The following SPOCK1 variants were observed in gnomAD, a reference collection of about 807,000 sequenced individuals.
SPOCK1 encodes SPARC (osteonectin), cwcv and kazal like domains proteoglycan 1, also known as testican-1.
In SPOCK1, 23 loss-of-function variants were observed where a neutral mutation model predicts 55.3. That is an observed-to-expected ratio of 0.42 (90% CI 0.30 to 0.59). The LOEUF (loss-of-function observed/expected upper bound fraction) is 0.59, where lower values mean the gene tolerates loss of function less well. Ranked by LOEUF, SPOCK1 falls within the 20% of genes least tolerant of loss-of-function variation. The probability of loss-of-function intolerance (pLI) is 0.22; values close to 1 mark genes in which losing one functional copy is unlikely to be tolerated. For synonymous variants in SPOCK1, 226 were observed against 221.0 expected, an observed-to-expected ratio of 1.02 and a Z score of -0.20; for missense variants, 499 against 552.5, an observed-to-expected ratio of 0.90 and a Z score of 0.97.
intron 2 of SPOCK1, among the ~76,000 whole-genome samples, chr5:137,425,458 CA>C (rs1322671719): frequency 5.9e-4 from 85 of 142,916 alleles, no homozygotes; most frequent in East Asian, 4.2e-3. Context: ...AATTCATCTC[CA>C]AAAAAAAAAA....
At chr5:137,291,174 G>T (rs1389199581) in intron 2 of SPOCK1, among the ~76,000 whole-genome samples, 1 of 152,098 alleles carries the variant, frequency 6.6e-6, no homozygotes, top group Non-Finnish European at 1.5e-5. Flanking sequence ...CCATCCATCT[G>T]CCTCAGCAGA....
chr5:136,978,879 C>T (rs1391199205), intron 10 of SPOCK1, 35 bp from the exon 11 acceptor site: 6 of 1,574,592 alleles, frequency 3.8e-6, no homozygotes, highest in Non-Finnish European at 5.2e-6. Context: ...GGTTAGTTTC[C>T]ACTTATACCT....
At chr5:137,053,136 C>T in intron 6 of SPOCK1, among the ~76,000 whole-genome samples, 1 of 152,108 alleles carries the variant, frequency 6.6e-6, no homozygotes, top group East Asian at 1.9e-4. Context: ...TTAGCTAATT[C>T]TAGGAACTAC....
chr5:137,193,282 C>T (rs541425449), intron 3 of SPOCK1, among the ~76,000 whole-genome samples: 1 of 152,064 alleles, frequency 6.6e-6, no homozygotes, highest in Admixed American at 6.6e-5. Flanking sequence ...AGGCAAGAGA[C>T]AGTGAGAAGT....
intron 2 of SPOCK1, among the ~76,000 whole-genome samples, chr5:137,361,707 T>C (rs1750949281): frequency 6.6e-6 from 1 of 152,238 alleles, no homozygotes. Context: ...ATTTCCCATG[T>C]TTCCACAAAT....
intron 3 of SPOCK1, among the ~76,000 whole-genome samples, chr5:137,261,013 A>G (rs1003557731): frequency 6.6e-6 from 1 of 152,176 alleles, no homozygotes; most frequent in Admixed American, 6.5e-5. Flanking sequence ...CAGACCAAAC[A>G]TGAGCGAGCC....
In SPOCK1 at chr5:137,443,337, C is replaced by T. The variant is rs115921073; in HGVS notation, c.186+55036G>A. Among the ~76,000 whole-genome samples, 397 of 152,242 alleles carry T rather than the reference C, an allele frequency of 2.6e-3. 1 individual carries two copies. Among genetic ancestry groups the T allele is most frequent in the African/African-American group, 9.2e-3 (382 of 41,530 alleles). On this transcript the variant is annotated intron_variant, in intron 2 of 10. Coordinates refer to ENST00000394945, the MANE Select transcript of SPOCK1 (RefSeq NM_004598.4). ...GTCTCCTCCTCCCTCTTTCTTTGGT[C>T]CTTCTCAGTGTCCTTTGTGTGCACT...
intron 6 of SPOCK1, among the ~76,000 whole-genome samples, chr5:136,996,900 G>C (rs1316914941): frequency 1.3e-5 from 2 of 152,128 alleles, no homozygotes; most frequent in African/African-American, 4.8e-5. Flanking sequence ...CCACACTGTG[G>C]AAACTTCGTT....
intron 3 of SPOCK1, among the ~76,000 whole-genome samples, chr5:137,195,492 C>T (rs1030102162): frequency 1.3e-5 from 2 of 152,234 alleles, no homozygotes; most frequent in African/African-American, 2.4e-5. Context: ...TGAGTTCCAG[C>T]GCTGACATCA....
intron 2 of SPOCK1, among the ~76,000 whole-genome samples, chr5:137,328,770 G>A (rs1057510687): frequency 5.9e-5 from 9 of 152,296 alleles, no homozygotes; most frequent in East Asian, 5.8e-4. Flanking sequence ...CAATCAGTAC[G>A]CGGCAGAACC....
At chr5:136,995,726 T>C (rs1751028186) in intron 6 of SPOCK1, among the ~76,000 whole-genome samples, 1 of 152,156 alleles carries the variant, frequency 6.6e-6, no homozygotes, top group African/African-American at 2.4e-5. Flanking sequence ...GTGCAGGTAA[T>C]CTGTATCTTT....
chr5:137,411,530 A>G (rs1290921482), intron 2 of SPOCK1, among the ~76,000 whole-genome samples: 1 of 152,214 alleles, frequency 6.6e-6, no homozygotes, highest in Non-Finnish European at 1.5e-5. Flanking sequence ...TACTATTGGC[A>G]TTTGAAGACA....
intron 2 of SPOCK1, among the ~76,000 whole-genome samples, chr5:137,458,724 T>A (rs142164459): frequency 6.6e-6 from 1 of 152,210 alleles, no homozygotes; most frequent in Non-Finnish European, 1.5e-5. Context: ...CTTGGGTGTA[T>A]CACATTGTCC....
At chr5:137,463,904 C>T (rs533560463) in intron 2 of SPOCK1, among the ~76,000 whole-genome samples, 4 of 152,100 alleles carry the variant, frequency 2.6e-5, no homozygotes, top group Non-Finnish European at 5.9e-5. Flanking sequence ...GCCAAGATTA[C>T]ACCGCTGCAC....
At chr5:137,455,371 G>GGCACACT (rs1173630049) in intron 2 of SPOCK1, among the ~76,000 whole-genome samples, 2 of 152,098 alleles carry the variant, frequency 1.3e-5, no homozygotes, top group African/African-American at 4.8e-5. Context: ...TTGTTTCCAG[G>GGCACACT]GCACACTGTA....
At chr5:137,012,762 A>G (rs1296547208) in intron 6 of SPOCK1, among the ~76,000 whole-genome samples, 1 of 152,194 alleles carries the variant, frequency 6.6e-6, no homozygotes, top group South Asian at 2.1e-4. Flanking sequence ...TGTAATACTT[A>G]AGTCGAAAAA....
chr5:137,436,848 T>C (rs1330111550), intron 2 of SPOCK1, among the ~76,000 whole-genome samples: 1 of 152,178 alleles, frequency 6.6e-6, no homozygotes, highest in Non-Finnish European at 1.5e-5. Flanking sequence ...GTGTGTTTTA[T>C]ACATTTTTAC....
intron 3 of SPOCK1, among the ~76,000 whole-genome samples, chr5:137,175,502 T>G (rs1377073450): frequency 6.6e-6 from 1 of 152,238 alleles, no homozygotes; most frequent in Non-Finnish European, 1.5e-5. Flanking sequence ...ATCTGCCAGT[T>G]CCTGGAATTG....
intron 2 of SPOCK1, among the ~76,000 whole-genome samples, chr5:137,329,946 T>C (rs1188862052): frequency 1.3e-5 from 2 of 152,160 alleles, no homozygotes; most frequent in African/African-American, 4.8e-5. Context: ...CAGGCTCCCC[T>C]GGCCCTCAAA....
Sources: gnomAD v4.1 joint callset for allele counts (sites outside exome capture counted in the v4.1 genomes callset) on GRCh38, gnomAD v4.1.1 for gene constraint, MANE v1.5 for transcripts, NCBI Gene and HGNC (gene_info 2026-07-23, HGNC 2026-07-21) for gene names.